The following TF variants were observed in gnomAD, a reference collection of about 807,000 sequenced individuals.
TF encodes serotransferrin.
In TF, 55 loss-of-function variants were observed where a neutral mutation model predicts 82.4. The ratio of observed to expected loss-of-function variants is 0.67; its 90% CI spans 0.54 to 0.84. The LOEUF is 0.84. Among genes scored for constraint, TF ranks in the 40% least tolerant of loss-of-function variants. The pLI is 0.00. For synonymous variants in TF, 332 were observed against 332.6 expected, an observed-to-expected ratio of 1.00 and a Z score of 0.02; for missense variants, 737 against 868.4, an observed-to-expected ratio of 0.85 and a Z score of 1.90.
the TF span, among the ~76,000 whole-genome samples, chr3:133,669,464 A>C: frequency 6.6e-6 from 1 of 152,212 alleles, no homozygotes; most frequent in Non-Finnish European, 1.5e-5. Context: ...GTAGTTTCCT[A>C]GCCAGAGACT....
At position 133,793,030 on chromosome 3, in the gene TF, T is replaced by G. The variant is rs1934879142; in HGVS notation, c.*14410T>G. The G allele has an allele frequency of 6.6e-6, 1 of 152,208 alleles. No homozygotes were observed. Among genetic ancestry groups the G allele is most frequent in the Non-Finnish European group, 1.5e-5 (1 of 68,028 alleles). 9.4% of individuals were successfully genotyped at this position (152,208 alleles called of 1,614,324 possible). A position where few individuals can be genotyped will look rare whatever the true frequency, so the allele number is the denominator to read the frequency against. ...TTGGAAAGATATGTCTACAAGGTTT[T>G]CTTAAAAATTGGGGTTGACATTAAT... On this transcript the variant is annotated 3_prime_UTR_variant, in exon 17 of 17. Coordinates refer to ENST00000402696, the MANE Select transcript of TF (RefSeq NM_001063.4).
rs1308122716 is a variant in TF at position 133,795,615 on chromosome 3, AC to A, written c.*16998del. The A allele has an allele frequency of 8.2e-6, 1 of 122,300 alleles. No individual in the cohort carries two copies. Among genetic ancestry groups the A allele is most frequent in the Non-Finnish European group, 1.6e-5 (1 of 62,848 alleles). The allele number at this position is 122,300 out of a possible 1,614,324, so 7.6% of individuals were successfully genotyped here. On this transcript the variant is annotated 3_prime_UTR_variant, in exon 17 of 17. Transcript: ENST00000402696. ...TTTTGAGATGGAGTCTCACTCTGTC[AC>A]CCGGGCTGGAGTGCAGTGGCACGAT...
the TF span, among the ~76,000 whole-genome samples, chr3:133,740,984 C>CTTT: frequency 5.1e-5 from 4 of 77,908 alleles, no homozygotes; most frequent in African/African-American, 1.0e-4. Flanking sequence ...TGATCCAGCT[C>CTTT]TATTTTTTTT....
chr3:133,752,618 G>C (rs1301883480), intron 2 of TF, among the ~76,000 whole-genome samples: 2 of 152,140 alleles, frequency 1.3e-5, no homozygotes, highest in African/African-American at 4.8e-5. Context: ...GGGACCTGTT[G>C]ATGTAAAGAT....
At chr3:133,723,860 G>C in the TF span, among the ~76,000 whole-genome samples, 7 of 151,304 alleles carry the variant, frequency 4.6e-5, no homozygotes, top group South Asian at 1.5e-3. Context: ...CTGTGTCCAT[G>C]TGTTCTCATT....
the TF span, among the ~76,000 whole-genome samples, chr3:133,739,724 A>C: frequency 6.6e-6 from 1 of 152,224 alleles, no homozygotes. Flanking sequence ...CAACAAACAT[A>C]AGGGAAAAAG....
chr3:133,717,038 C>T, the TF span, among the ~76,000 whole-genome samples: 42 of 152,230 alleles, frequency 2.8e-4, no homozygotes, highest in Non-Finnish European at 5.1e-4. Flanking sequence ...CCTATAAACA[C>T]ACATGCTTGC....
the TF span, chr3:133,662,004 A>C: frequency 1.3e-5 from 2 of 152,404 alleles, no homozygotes; most frequent in South Asian, 2.1e-4. Context: ...CGGCAGCTGC[A>C]GCAGAAGAGC....
chr3:133,755,978 A>T (rs1349894274), intron 5 of TF, among the ~76,000 whole-genome samples: 2 of 152,108 alleles, frequency 1.3e-5, no homozygotes, highest in South Asian at 2.1e-4. Flanking sequence ...CCAAAGGCAC[A>T]TTTTCACCCT....
At chr3:133,674,428 G>C in the TF span, among the ~76,000 whole-genome samples, 1 of 152,216 alleles carries the variant, frequency 6.6e-6, no homozygotes, top group South Asian at 2.1e-4. Context: ...CAGCCCTCCG[G>C]TCCCACGGAG....
chr3:133,683,539 A>G, the TF span, among the ~76,000 whole-genome samples: 2 of 152,204 alleles, frequency 1.3e-5, no homozygotes, highest in Admixed American at 6.5e-5. Flanking sequence ...AAAAAAAAGC[A>G]GTGGTTGCAA....
intron 14 of TF, chr3:133,775,080 C>T: frequency 2.7e-6 from 1 of 365,644 alleles, no homozygotes; most frequent in Non-Finnish European, 5.3e-6. Context: ...ATCAACCTGG[C>T]TTAGAGCGTC....
the TF span, among the ~76,000 whole-genome samples, chr3:133,738,394 A>G: frequency 3.3e-5 from 5 of 152,344 alleles, no homozygotes; most frequent in South Asian, 8.3e-4. Flanking sequence ...TCCCTTTGAA[A>G]ACCGGCACAA....
the TF span, among the ~76,000 whole-genome samples, chr3:133,664,415 G>C: frequency 6.6e-6 from 1 of 152,078 alleles, no homozygotes; most frequent in Non-Finnish European, 1.5e-5. Context: ...CTCCACCCCC[G>C]GGGTTCAAGC....
chr3:133,708,786 G>C, the TF span, among the ~76,000 whole-genome samples: 83 of 142,304 alleles, frequency 5.8e-4, no homozygotes, highest in Middle Eastern at 3.8e-3. Context: ...TTTTTTTTCC[G>C]AAAGAGCAAC....
intron 12 of TF, 118 bp downstream of exon 12, chr3:133,766,551 T>C: frequency 7.1e-7 from 1 of 1,417,710 alleles, no homozygotes; most frequent in Admixed American, 1.8e-5. Context: ...GAAGTAGAAT[T>C]TGGTCAAAGA....
rs1934926095 is a variant in TF, at chr3:133,794,785, A to G, written c.*16165A>G. The G allele has an allele frequency of 6.6e-6, 1 of 152,236 alleles. No homozygotes were observed. The highest frequency in any genetic ancestry group is 2.4e-5 in the African/African-American group (1 of 41,468). The allele number at this position is 152,236 out of a possible 1,614,324, so 9.4% of individuals were successfully genotyped here. A position where few individuals can be genotyped will look rare whatever the true frequency, so the allele number is the denominator to read the frequency against. On this transcript the variant is annotated 3_prime_UTR_variant, in exon 17 of 17. Coordinates refer to ENST00000402696, the MANE Select transcript of TF (RefSeq NM_001063.4). Reference sequence around the variant, plus strand: ...ATCCTTGATGTGAACAGCTTTTCCCAAGATCATGAATCAAGACTTCTCTAT... The same window carrying G: ...ATCCTTGATGTGAACAGCTTTTCCCGAGATCATGAATCAAGACTTCTCTAT...
At chr3:133,739,999 T>G in the TF span, among the ~76,000 whole-genome samples, 3 of 152,164 alleles carry the variant, frequency 2.0e-5, no homozygotes, top group African/African-American at 7.2e-5. Flanking sequence ...ACCCAAAGGA[T>G]TATAAATCAT....
At chr3:133,766,835 G>A (rs1025185529) in intron 12 of TF, among the ~76,000 whole-genome samples, 1 of 152,106 alleles carries the variant, frequency 6.6e-6, no homozygotes, top group Non-Finnish European at 1.5e-5. Flanking sequence ...GATCCAGGCA[G>A]CCCCAGTCAC....
Sources: gnomAD v4.1 joint callset for allele counts (sites outside exome capture counted in the v4.1 genomes callset) on GRCh38, gnomAD v4.1.1 for gene constraint, MANE v1.5 for transcripts, NCBI Gene and HGNC (gene_info 2026-07-23, HGNC 2026-07-21) for gene names.